The following SULF1 variants were observed in gnomAD, a reference collection of about 807,000 sequenced individuals.
The protein encoded by SULF1 is extracellular sulfatase Sulf-1.
In SULF1, 46 loss-of-function variants were observed where a neutral mutation model predicts 110.5. The ratio of observed to expected loss-of-function variants is 0.42; its 90% CI spans 0.33 to 0.53. SULF1 has a LOEUF of 0.53. Among genes scored for constraint, SULF1 ranks in the 20% least tolerant of loss-of-function variants. The pLI is 0.12. For synonymous variants in SULF1, 371 were observed against 387.1 expected (o/e 0.96, Z 0.49); for missense variants, 941 against 1,094.2 (o/e 0.86, Z 1.98).
intron 5 of SULF1, among the ~76,000 whole-genome samples, chr8:69,571,348 G>C (rs1805216560): frequency 6.6e-6 from 1 of 152,162 alleles, no homozygotes; most frequent in South Asian, 2.1e-4. Context: ...TAGTCGGAGT[G>C]GGGAGCGCTA....
intron 5 of SULF1, among the ~76,000 whole-genome samples, chr8:69,573,774 A>G (rs1443549026): frequency 6.6e-6 from 1 of 152,240 alleles, no homozygotes; most frequent in Non-Finnish European, 1.5e-5. Context: ...ACACAAATAT[A>G]AAATGCAACA....
chr8:69,557,465 T>C (rs1161540118), intron 3 of SULF1, among the ~76,000 whole-genome samples: 2 of 152,218 alleles, frequency 1.3e-5, no homozygotes, highest in Non-Finnish European at 2.9e-5. Flanking sequence ...ATGGTTTTAG[T>C]ACCTGCTTTT....
chr8:69,608,323 G>A (rs1045808921), intron 13 of SULF1, among the ~76,000 whole-genome samples: 1 of 152,144 alleles, frequency 6.6e-6, no homozygotes, highest in Non-Finnish European at 1.5e-5. Context: ...CGAATATTGG[G>A]TGTTATTATT....
chr8:69,640,702 T>G, intron 21 of SULF1, 106 bp from the exon 22 acceptor site: 2 of 910,092 alleles, frequency 2.2e-6, no homozygotes, highest in South Asian at 3.6e-5. Flanking sequence ...TTTAACACCA[T>G]GTGTTTCTTT....
intron 15 of SULF1, among the ~76,000 whole-genome samples, chr8:69,625,416 TC>T (rs1277999384): frequency 2.6e-5 from 4 of 152,210 alleles, no homozygotes; most frequent in Admixed American, 6.5e-5. Flanking sequence ...GTTCTTGGTC[TC>T]ACTGACTTCA....
chr8:69,523,205 A>G (rs1292286694), intron 3 of SULF1, among the ~76,000 whole-genome samples: 2 of 152,194 alleles, frequency 1.3e-5, no homozygotes, highest in Non-Finnish European at 2.9e-5. Context: ...TGCAGAACCT[A>G]TCTACTCCGA....
At chr8:69,483,078 G>A (rs1236914950) in intron 1 of SULF1, among the ~76,000 whole-genome samples, 1 of 152,174 alleles carries the variant, frequency 6.6e-6, no homozygotes, top group Non-Finnish European at 1.5e-5. Context: ...GAAGATGTGT[G>A]TAGATTATAT....
chr8:69,498,799 A>G (rs1303248448), intron 2 of SULF1, among the ~76,000 whole-genome samples: 1 of 152,180 alleles, frequency 6.6e-6, no homozygotes, highest in East Asian at 1.9e-4. Flanking sequence ...GACCCCAAAG[A>G]AGCTGGCCTG....
chr8:69,557,354 T>G (rs1815182286), intron 3 of SULF1, among the ~76,000 whole-genome samples: 1 of 152,246 alleles, frequency 6.6e-6, no homozygotes, highest in South Asian at 2.1e-4. Context: ...TAGATCACTT[T>G]GTTTTCCTTT....
chr8:69,502,312 G>A (rs1810856001), intron 3 of SULF1, among the ~76,000 whole-genome samples: 2 of 152,210 alleles, frequency 1.3e-5, no homozygotes, highest in African/African-American at 4.8e-5. Flanking sequence ...GGCCCGCCAT[G>A]CACAGCCATC....
chr8:69,491,637 C>G (rs1809945744), upstream of SULF1, among the ~76,000 whole-genome samples: 1 of 152,224 alleles, frequency 6.6e-6, no homozygotes, highest in South Asian at 2.1e-4. Context: ...CCTCATGAAC[C>G]TATTGCATAT....
chr8:69,637,562 C>T (rs1811154823), intron 19 of SULF1: 1 of 154,334 alleles, frequency 6.5e-6, no homozygotes, highest in South Asian at 2.0e-4. Context: ...AATATAACCA[C>T]ATTTATTGAA....
At chr8:69,577,566 G>C (rs555353823) in intron 6 of SULF1, among the ~76,000 whole-genome samples, 4 of 152,324 alleles carry the variant, frequency 2.6e-5, no homozygotes, top group South Asian at 2.1e-4. Context: ...CACATATCCA[G>C]AGTGAAATGG....
intron 8 of SULF1, among the ~76,000 whole-genome samples, chr8:69,595,083 A>G (rs1807201601): frequency 6.6e-6 from 1 of 152,228 alleles, no homozygotes; most frequent in South Asian, 2.1e-4. Flanking sequence ...AAATAGTATC[A>G]AGATATTTAA....
intron 6 of SULF1, among the ~76,000 whole-genome samples, chr8:69,582,820 G>T (rs1202196598): frequency 1.3e-5 from 2 of 152,214 alleles, no homozygotes; most frequent in Admixed American, 1.3e-4. Flanking sequence ...CGTTAGTGGG[G>T]TGTGGCCTTG....
chr8:69,588,524 G>A (rs1273431532), intron 7 of SULF1, among the ~76,000 whole-genome samples: 1 of 152,172 alleles, frequency 6.6e-6, no homozygotes, highest in African/African-American at 2.4e-5. Context: ...GTATGTATGT[G>A]TGTGTGTTCT....
At chr8:69,616,195 C>T (rs1809117491) in intron 13 of SULF1, among the ~76,000 whole-genome samples, 1 of 143,130 alleles carries the variant, frequency 7.0e-6, no homozygotes, top group African/African-American at 2.6e-5. Context: ...TATATATACA[C>T]ATATATATGT....
intron 21 of SULF1, among the ~76,000 whole-genome samples, chr8:69,640,151 G>C (rs1406666210): frequency 6.7e-6 from 1 of 148,846 alleles, no homozygotes; most frequent in Non-Finnish European, 1.5e-5. Flanking sequence ...AGGAAGGAAA[G>C]AAAGAAAGAA....
At chr8:69,489,674 T>A (rs1156817920), upstream of SULF1, among the ~76,000 whole-genome samples, 1 of 150,232 alleles carries the variant, frequency 6.7e-6, no homozygotes, top group Admixed American at 6.7e-5. Context: ...CCTCCCAGGT[T>A]CAGGCCATTC....
Sources: gnomAD v4.1 joint callset for allele counts (sites outside exome capture counted in the v4.1 genomes callset) on GRCh38, gnomAD v4.1.1 for gene constraint, MANE v1.5 for transcripts, NCBI Gene and HGNC (gene_info 2026-07-23, HGNC 2026-07-21) for gene names.